Variants in IMPG2 observed in about 807,000 individuals in gnomAD.
IMPG2 encodes interphotoreceptor matrix proteoglycan 2, also known as IPM 200.
Under a neutral mutation model 129.2 loss-of-function variants are expected in IMPG2, and 91 were observed. The observed-to-expected ratio is 0.70, with a 90% CI of 0.59 to 0.84. The LOEUF (loss-of-function observed/expected upper bound fraction) is 0.84. Among genes scored for constraint, IMPG2 ranks in the 40% least tolerant of loss-of-function variants. The pLI is 0.00. For synonymous variants in IMPG2, 510 were observed against 517.7 expected, an observed-to-expected ratio of 0.99 and a Z score of 0.20; for missense variants, 1,430 against 1,461.7, an observed-to-expected ratio of 0.98 and a Z score of 0.35.
chr3:101,262,654 A>G (rs1411303083), intron 9 of IMPG2, among the ~76,000 whole-genome samples: 2 of 151,990 alleles, frequency 1.3e-5, no homozygotes, highest in African/African-American at 2.4e-5. Context: ...AAGAATATAC[A>G]AAACAACTAG....
intron 5 of IMPG2, among the ~76,000 whole-genome samples, chr3:101,276,415 C>T (rs915039042): frequency 6.6e-6 from 1 of 152,104 alleles, no homozygotes; most frequent in African/African-American, 2.4e-5. Flanking sequence ...TTAGCTCATA[C>T]ATTTGTTTTA....
At chr3:101,252,111 C>T (rs1004518518) in intron 11 of IMPG2, among the ~76,000 whole-genome samples, 6 of 151,994 alleles carry the variant, frequency 3.9e-5, no homozygotes, top group African/African-American at 1.5e-4. Flanking sequence ...TTGGTGCTTG[C>T]CATCATTAAG....
chr3:101,264,772 G>A (rs189904863), intron 9 of IMPG2, among the ~76,000 whole-genome samples: 110 of 151,966 alleles, frequency 7.2e-4, no homozygotes, highest in Admixed American at 1.4e-3. Flanking sequence ...CCTGTTTGCC[G>A]ATCATGTGAT....
In IMPG2 at chr3:101,228,869, T is replaced by C; in HGVS notation, c.3641A>G (p.Gln1214Arg). The change falls in exon 18 of 19, where the codon CAA becomes CGA. Residue 1214 changes from glutamine (Q) to arginine (R), a missense_variant. Coordinates refer to ENST00000193391, the MANE Select transcript of IMPG2 (RefSeq NM_016247.4). Reference sequence around the variant, plus strand: ...CAGTTCCAAAACTCTCATTCTCTCTTGAATTTCCTTAAACAAAAAAGAAAC... The same window carrying C: ...CAGTTCCAAAACTCTCATTCTCTCTCGAATTTCCTTAAACAAAAAAGAAAC... ...ESSELSREEI[Q>R]ERMRVLELYA... 6.2e-7 allele frequency: 1 copy of C among 1,613,296 alleles called. No individual in the cohort carries two copies. The highest frequency in any genetic ancestry group is 8.5e-7 in the Non-Finnish European group (1 of 1,179,266).
chr3:101,243,682 G>T lies in IMPG2; in HGVS notation c.2649C>A (p.Pro883=), dbSNP rs762314321. Residue 883 remains proline, a synonymous_variant, in exon 13 of 19, where the codon CCC becomes CCA. Coordinates refer to ENST00000193391, the MANE Select transcript of IMPG2 (RefSeq NM_016247.4). ...HSTEMVSVAW[P]TEGGDDLSYT... ...AACTCAAGTCATCTCCTCCTTCTGTGGGCCAAGCCACACTAACCATCTCTG... is the reference window on the plus strand; with the variant it reads ...AACTCAAGTCATCTCCTCCTTCTGTTGGCCAAGCCACACTAACCATCTCTG... 1.2e-6 allele frequency: 2 copies of T among 1,614,006 alleles called. No homozygotes were observed. The highest frequency in any genetic ancestry group is 1.7e-6 in the Non-Finnish European group (2 of 1,180,002).
chr3:101,306,668 A>C (rs1707208175), intron 2 of IMPG2, among the ~76,000 whole-genome samples: 1 of 151,872 alleles, frequency 6.6e-6, no homozygotes, highest in Non-Finnish European at 1.5e-5. Flanking sequence ...GTATAAAACA[A>C]TGTTTGAAAA....
rs1706180039 is a variant in IMPG2 at position 101,222,892 on chromosome 3, T to C, written c.*4077A>G. 6.6e-6 allele frequency: 1 copy of C among 152,220 alleles called. No homozygotes were observed. Among genetic ancestry groups the C allele is most frequent in the South Asian group, 2.1e-4 (1 of 4,834 alleles). The allele number at this position is 152,220 out of a possible 1,614,324, so 9.4% of individuals were successfully genotyped here. Reference sequence around the variant, plus strand: ...CCACAATTATTTTTTCTATATATAATCTTAATCTTTAAAGAAGTAATTAAA... The same window carrying C: ...CCACAATTATTTTTTCTATATATAACCTTAATCTTTAAAGAAGTAATTAAA... On this transcript the variant is annotated 3_prime_UTR_variant, in exon 19 of 19. Coordinates refer to ENST00000193391, the MANE Select transcript of IMPG2 (RefSeq NM_016247.4).
chr3:101,235,687 T>C (rs1424101968), intron 14 of IMPG2, among the ~76,000 whole-genome samples: 1 of 152,146 alleles, frequency 6.6e-6, no homozygotes, highest in Admixed American at 6.5e-5. Flanking sequence ...TAGCTAACTG[T>C]ATGTTTGGAA....
intron 11 of IMPG2, among the ~76,000 whole-genome samples, chr3:101,252,079 G>A (rs1175702115): frequency 6.6e-6 from 1 of 152,064 alleles, no homozygotes; most frequent in African/African-American, 2.4e-5. Flanking sequence ...GCACTGCAAC[G>A]TAAATGAACA....
At chr3:101,301,339 G>A (rs919047896) in intron 3 of IMPG2, among the ~76,000 whole-genome samples, 8 of 152,170 alleles carry the variant, frequency 5.3e-5, no homozygotes, top group Non-Finnish European at 1.2e-4. Context: ...TGGAAGAATG[G>A]TACTAACAGA....
At chr3:101,311,290 T>A (rs1371149768) in intron 2 of IMPG2, among the ~76,000 whole-genome samples, 2 of 151,826 alleles carry the variant, frequency 1.3e-5, no homozygotes, top group Non-Finnish European at 2.9e-5. Flanking sequence ...TGTCTACAGA[T>A]GACATGAGCT....
chr3:101,249,015 C>A (rs1417083966), intron 11 of IMPG2, among the ~76,000 whole-genome samples: 1 of 152,156 alleles, frequency 6.6e-6, no homozygotes, highest in Admixed American at 6.5e-5. Context: ...TATTTCTTCC[C>A]TGCTTCCGCC....
At position 101,222,856 on chromosome 3, in the gene IMPG2, A is replaced by T. The variant is rs1474631475; in HGVS notation, c.*4113T>A. The T allele has an allele frequency of 6.6e-6, 1 of 152,234 alleles. No homozygotes were observed. Among genetic ancestry groups the T allele is most frequent in the African/African-American group, 2.4e-5 (1 of 41,468 alleles). 9.4% of individuals were successfully genotyped at this position (152,234 alleles called of 1,614,324 possible). On this transcript the variant is annotated 3_prime_UTR_variant, in exon 19 of 19. Transcript: ENST00000193391. ...CTGATATATGAAAAATTATACCTGT[A>T]TTCTCTGATACCACAATTATTTTTT...
intron 18 of IMPG2, among the ~76,000 whole-genome samples, chr3:101,228,314 T>C (rs1043728745): frequency 6.6e-6 from 1 of 152,200 alleles, no homozygotes; most frequent in Non-Finnish European, 1.5e-5. Context: ...AGAGATAGAA[T>C]TGAAAGAATA....
intron 14 of IMPG2, among the ~76,000 whole-genome samples, chr3:101,236,416 G>T (rs544474798): frequency 6.6e-6 from 1 of 152,310 alleles, no homozygotes; most frequent in Admixed American, 6.5e-5. Flanking sequence ...TGCCAAGATG[G>T]CCAAATAGGA....
intron 3 of IMPG2, among the ~76,000 whole-genome samples, chr3:101,295,353 G>T (rs1321349523): frequency 5.9e-5 from 9 of 151,946 alleles, no homozygotes; most frequent in Admixed American, 5.9e-4. Context: ...TCCCCAGCTT[G>T]TTTTTGTCAG....
In IMPG2 at chr3:101,226,149, G is replaced by A. The variant is rs1370043147; in HGVS notation, c.*820C>T. On this transcript the variant is annotated 3_prime_UTR_variant, in exon 19 of 19. Coordinates refer to ENST00000193391, the MANE Select transcript of IMPG2 (RefSeq NM_016247.4). The stretch of plus-strand genomic sequence containing the variant: ...AACAAAATATATTCTCAGCACTGGG[G>A]TCTTGACCCGACACTCACTCCCTCC... 2 of 150,158 alleles carry A rather than the reference G, an allele frequency of 1.3e-5. No individual in the cohort carries two copies. The highest frequency in any genetic ancestry group is 3.0e-5 in the Non-Finnish European group (2 of 67,328). 9.3% of individuals were successfully genotyped at this position (150,158 alleles called of 1,614,324 possible). A position where few individuals can be genotyped will look rare whatever the true frequency, so the allele number is the denominator to read the frequency against.
intron 3 of IMPG2, among the ~76,000 whole-genome samples, chr3:101,301,278 T>C (rs1707137425): frequency 6.6e-6 from 1 of 152,182 alleles, no homozygotes; most frequent in African/African-American, 2.4e-5. Context: ...TTTCGAATAT[T>C]TTGAGAATTA....
Position 101,246,076 on chromosome 3 carries a change from T to C in IMPG2, c.1269A>G (p.Ser423=), listed in dbSNP as rs749371995. Residue 423 remains serine, a synonymous_variant, in exon 12 of 19, where the codon TCA becomes TCG. Coordinates refer to ENST00000193391, the MANE Select transcript of IMPG2 (RefSeq NM_016247.4). ...LDNTFQAAWP[S]ADESITSSIP... Reference sequence around the variant, plus strand: ...TACTGCTGGTGATGGATTCATCTGCTGAGGGCCATGCAGCTTGAAAGGTAT... The same window carrying C: ...TACTGCTGGTGATGGATTCATCTGCCGAGGGCCATGCAGCTTGAAAGGTAT... 3 of 1,614,100 alleles carry C rather than the reference T, an allele frequency of 1.9e-6. No individual in the cohort carries two copies. Among genetic ancestry groups the C allele is most frequent in the South Asian group, 2.2e-5 (2 of 91,082 alleles).
Sources: allele counts gnomAD v4.1 joint callset (sites outside exome capture counted in the v4.1 genomes callset), GRCh38; gene constraint gnomAD v4.1.1; transcripts MANE v1.5; gene names NCBI Gene and HGNC (gene_info 2026-07-23, HGNC 2026-07-21).